The following RNASE10 variants were observed in gnomAD, a reference collection of about 807,000 sequenced individuals.
RNASE10 encodes the protein inactive ribonuclease-like protein 10.
RNASE10 carries 2 observed loss-of-function variants against 1.1 expected under a neutral mutation model. The ratio of observed to expected loss-of-function variants is 1.82; its 90% CI spans 0.74 to 5.73. The LOEUF is 5.73. Ranked by LOEUF, RNASE10 falls within the 30% of genes most tolerant of loss-of-function variation. The pLI, the probability that RNASE10 is intolerant of heterozygous loss-of-function variation, is 0.05. For missense variants in RNASE10, 276 were observed against 263.4 expected, an observed-to-expected ratio of 1.05 and a Z score of -0.33; for synonymous variants, 97 against 96.2, an observed-to-expected ratio of 1.01 and a Z score of -0.05.
intron 1 of RNASE10, among the ~76,000 whole-genome samples, chr14:20,507,057 C>A (rs1882758592): frequency 1.3e-5 from 2 of 150,874 alleles, no homozygotes; most frequent in African/African-American, 4.9e-5. Context: ...TGCCCGGCCG[C>A]CCCTACTGGG....
downstream of RNASE10, among the ~76,000 whole-genome samples, chr14:20,513,342 G>C (rs534717644): frequency 6.6e-6 from 1 of 152,228 alleles, no homozygotes; most frequent in Non-Finnish European, 1.5e-5. Flanking sequence ...GCTGATAACA[G>C]GGTGACAAGG....
At chr14:20,511,023 C>T (rs1406282494) in exon 2 of RNASE10, 1 of 1,572,058 alleles carries the variant, frequency 6.4e-7, no homozygotes, top group East Asian at 2.3e-5. Context: ...CCCAACCAGA[C>T]CAGGTCACTC....
At chr14:20,511,944 T>C (rs1197982234), downstream of RNASE10, among the ~76,000 whole-genome samples, 1 of 152,118 alleles carries the variant, frequency 6.6e-6, no homozygotes, top group Non-Finnish European at 1.5e-5. Context: ...TGATCACTTA[T>C]GCTATGTTGG....
exon 2 of RNASE10, chr14:20,510,794 A>C (rs756454462): frequency 1.2e-6 from 2 of 1,614,192 alleles, no homozygotes; most frequent in South Asian, 2.2e-5. Context: ...AGCAACAAAG[A>C]CTATCTTAGG....
In RNASE10 at chr14:20,505,655, A is replaced by G. The variant is rs200575913; in HGVS notation, c.-286A>G. ...GGCTGGAGTGCAGTGGCGTGATCTC[A>G]GCTCGCTACAACCTCCATCTCCCAG... is the stretch of plus-strand genomic sequence containing the variant. On this transcript the variant is annotated 5_prime_UTR_variant, in exon 1 of 2. Coordinates refer to ENST00000430083, the Ensembl canonical transcript of RNASE10. 28 of 93,474 alleles carry G rather than the reference A, an allele frequency of 3.0e-4. 8 individuals are homozygous for G. The highest frequency in any genetic ancestry group is 4.8e-4 in the East Asian group (2 of 4,178). The allele number at this position is 93,474 out of a possible 1,614,324, so 5.8% of individuals were successfully genotyped here.
downstream of RNASE10, among the ~76,000 whole-genome samples, chr14:20,513,195 A>G (rs1326345714): frequency 6.6e-6 from 1 of 151,822 alleles, no homozygotes; most frequent in Admixed American, 6.6e-5. Context: ...TCAGTGGGTC[A>G]TGTTTTTCTT....
chr14:20,505,269 TCCCTCTCCCTCTCCCTCTCCCTCTCC>T (rs1566535847), upstream of RNASE10, among the ~76,000 whole-genome samples: 7 of 10,958 alleles, frequency 6.4e-4, no homozygotes, highest in Middle Eastern at 0.02. Flanking sequence ...TTGCTCCCTC[TCCCTCTCCCTCTCCCTCTCCCTCTCC>T]CTCTCCCTCT....
chr14:20,509,195 GC>G (rs1309930827), intron 1 of RNASE10, among the ~76,000 whole-genome samples: 1 of 152,188 alleles, frequency 6.6e-6, no homozygotes, highest in African/African-American at 2.4e-5. Context: ...GACTACTGGT[GC>G]GTGGCACCAT....
chr14:20,510,045 G>T (rs1340909863), intron 1 of RNASE10, among the ~76,000 whole-genome samples: 1 of 151,606 alleles, frequency 6.6e-6, no homozygotes, highest in East Asian at 1.9e-4. Flanking sequence ...CTTGACCCTG[G>T]GAGATTGAGG....
downstream of RNASE10, among the ~76,000 whole-genome samples, chr14:20,513,172 C>T (rs1882937115): frequency 1.3e-5 from 2 of 152,130 alleles, no homozygotes; most frequent in Non-Finnish European, 2.9e-5. Flanking sequence ...CGGGTCTTCA[C>T]TTTGGGCAAA....
chr14:20,511,153 TCTC>T, exon 2 of RNASE10: 3 of 1,412,552 alleles, frequency 2.1e-6, no homozygotes, highest in Non-Finnish European at 2.8e-6. Context: ...CTCTTCACCT[TCTC>T]CTGTTCCTCT....
intron 1 of RNASE10, 58 bp from the exon 2 acceptor site, chr14:20,510,409 T>C: frequency 6.4e-7 from 1 of 1,559,202 alleles, no homozygotes; most frequent in Non-Finnish European, 8.6e-7. Context: ...TTACAGTCTC[T>C]ACTAGAGCCA....
At chr14:20,506,844 C>T (rs1373706389) in intron 1 of RNASE10, among the ~76,000 whole-genome samples, 59 of 112,724 alleles carry the variant, frequency 5.2e-4, no homozygotes, top group African/African-American at 2.1e-3. Flanking sequence ...GGCCAGCCGC[C>T]CCGTCCGGGA....
downstream of RNASE10, among the ~76,000 whole-genome samples, chr14:20,511,748 TC>T (rs1468566408): frequency 3.3e-5 from 5 of 152,306 alleles, no homozygotes; most frequent in African/African-American, 1.2e-4. Context: ...ACTGCCCTTT[TC>T]TCTTTCTTCC....
At chr14:20,504,301 T>C (rs892670933), upstream of RNASE10, among the ~76,000 whole-genome samples, 6 of 152,130 alleles carry the variant, frequency 3.9e-5, no homozygotes, top group African/African-American at 1.4e-4. Context: ...AGGGAAGAAC[T>C]TGGGGAACGA....
downstream of RNASE10, among the ~76,000 whole-genome samples, chr14:20,513,108 C>A (rs1482328408): frequency 6.6e-6 from 1 of 152,044 alleles, no homozygotes; most frequent in African/African-American, 2.4e-5. Context: ...AGCTTCCGTC[C>A]AGCTTCTCTC....
downstream of RNASE10, chr14:20,511,169 C>T (rs1198788469): frequency 2.9e-5 from 39 of 1,335,432 alleles, no homozygotes; most frequent in Non-Finnish European, 3.9e-5. Context: ...GTTCCTCTTC[C>T]TTTTTTACTT....
chr14:20,510,843 A>C lies in RNASE10; in HGVS notation c.456A>C (p.Ala152=), dbSNP rs773602543. The C allele has an allele frequency of 1.4e-5, 23 of 1,614,118 alleles. No individual in the cohort carries two copies. The African/African-American group carries it at 2.1e-4, about 15-fold the overall frequency. The change falls in exon 2 of 2, where the codon GCA becomes GCC. Residue 152 remains alanine (A), a synonymous_variant. Coordinates refer to ENST00000430083, the Ensembl canonical transcript of RNASE10. ...ATAGAGAATGCAATGATATGATGGC[A>C]CACAAGATGAAGGAGCCCAGTCAGA...
exon 2 of RNASE10, chr14:20,510,572 T>G (rs1383793473): frequency 6.2e-7 from 1 of 1,614,160 alleles, no homozygotes; most frequent in Non-Finnish European, 8.5e-7. Flanking sequence ...ACAGCAGTCT[T>G]GGAGGAGAGT....
Sources: allele counts gnomAD v4.1 joint callset (sites outside exome capture counted in the v4.1 genomes callset), GRCh38; gene constraint gnomAD v4.1.1; transcripts MANE v1.5; gene names NCBI Gene and HGNC (gene_info 2026-07-23, HGNC 2026-07-21).